ATF7IP: variants seen among roughly 807,000 people sequenced by gnomAD.
ATF7IP encodes activating transcription factor 7 interacting protein, also known as activating transcription factor 7-interacting protein 1.
A neutral mutation model predicts 106.4 loss-of-function variants in ATF7IP; 23 were observed. The ratio of observed to expected loss-of-function variants is 0.22; its 90% confidence interval spans 0.16 to 0.31. The LOEUF (loss-of-function observed/expected upper bound fraction) is 0.31. Ranked by LOEUF, ATF7IP falls within the 10% of genes least tolerant of loss-of-function variation. The pLI, the probability that ATF7IP is intolerant of heterozygous loss-of-function variation, is 1.00. For missense variants in ATF7IP, 1,334 were observed against 1,524.3 expected, an observed-to-expected ratio of 0.88 and a Z score of 2.08; for synonymous variants, 542 against 539.0, an observed-to-expected ratio of 1.01 and a Z score of -0.08.
intron 12 of ATF7IP, among the ~76,000 whole-genome samples, chr12:14,479,231 C>A (rs559837970): frequency 2.6e-5 from 4 of 152,246 alleles, no homozygotes; most frequent in African/African-American, 4.8e-5. Flanking sequence ...CTGAGTGTAA[C>A]CAAGAAGTTA....
chr12:14,408,548 T>C lies in ATF7IP; in HGVS notation c.-7-15361T>C, dbSNP rs1470526933. 2.0e-5 allele frequency: 3 copies of C among 152,164 alleles called. 1 individual carries two copies. In the South Asian group the frequency reaches 6.2e-4, roughly 31 times the overall value. The allele number at this position is 152,164 out of a possible 1,614,324, so 9.4% of individuals were successfully genotyped here. On this transcript the variant is annotated intron_variant, in intron 1 of 14. Transcript: ENST00000261168. The stretch of plus-strand genomic sequence containing the variant: ...GCTGCAGGGGGCTCCCTTTGGGGTA[T>C]GTTTTTTATTTTAAAGAGGGTTTTC...
In ATF7IP at chr12:14,501,249, T is replaced by G. The variant is rs906076830; in HGVS notation, c.*3176T>G. On this transcript the variant is annotated 3_prime_UTR_variant, in exon 15 of 15. Transcript: ENST00000261168. Reference sequence around the variant, plus strand: ...ACAAATAAGCTAGATTCTCCCAGTTTGGGAATGCAAGTTTGCTACATTTTT... The same window carrying G: ...ACAAATAAGCTAGATTCTCCCAGTTGGGGAATGCAAGTTTGCTACATTTTT... 5.3e-5 allele frequency: 8 copies of G among 152,232 alleles called. No homozygotes were observed. The East Asian group carries it at 1.2e-3, about 22-fold the overall frequency. 9.4% of individuals were successfully genotyped at this position (152,232 alleles called of 1,614,324 possible).
At chr12:14,390,609 T>C (rs780606527) in intron 1 of ATF7IP, among the ~76,000 whole-genome samples, 19 of 152,240 alleles carry the variant, frequency 1.2e-4, no homozygotes, top group Non-Finnish European at 2.4e-4. Flanking sequence ...TAACATTTTA[T>C]AAAAGATTTT....
chr12:14,374,361 C>A (rs747713168), intron 1 of ATF7IP, among the ~76,000 whole-genome samples: 2 of 150,922 alleles, frequency 1.3e-5, no homozygotes, highest in East Asian at 3.9e-4. Context: ...CAATCCTCCC[C>A]TCTTGGCCTC....
chr12:14,422,356 C>CACACAA (rs1437491452), intron 1 of ATF7IP, among the ~76,000 whole-genome samples: 1 of 136,334 alleles, frequency 7.3e-6, no homozygotes, highest in African/African-American at 2.8e-5. Flanking sequence ...CACACACACA[C>CACACAA]AACCTTTGTA....
At chr12:14,419,722 C>T (rs916878151) in intron 1 of ATF7IP, among the ~76,000 whole-genome samples, 2 of 151,652 alleles carry the variant, frequency 1.3e-5, no homozygotes, top group East Asian at 1.9e-4. Flanking sequence ...AATTAAAAAC[C>T]CTTAACATAA....
intron 10 of ATF7IP, among the ~76,000 whole-genome samples, chr12:14,472,982 G>A (rs374645115): frequency 5.3e-5 from 8 of 152,072 alleles, no homozygotes; most frequent in African/African-American, 1.7e-4. Flanking sequence ...CTTTCAATCT[G>A]TGTCTTTATA....
At position 14,425,466 on chromosome 12, in the gene ATF7IP, C is replaced by T. The variant is rs1161248424; in HGVS notation, c.1551C>T (p.Cys517=). The T allele has an allele frequency of 1.3e-6, 2 of 1,548,434 alleles. No homozygotes were observed. Among genetic ancestry groups the T allele is most frequent in the East Asian group, 2.3e-5 (1 of 43,938 alleles). ...AAGTTATATCGCAAAATGAAACGTG[C>T]TCTCCAGGTTAGCATATAACTTAAA... ...ESEVISQNET[C]SPAEVESNEK... The change falls in exon 2 of 15, where the codon TGC becomes TGT. Residue 517 remains cysteine, a synonymous_variant. Coordinates refer to ENST00000261168, the MANE Select transcript of ATF7IP (RefSeq NM_018179.5).
chr12:14,400,942 CT>C (rs1167711264), intron 1 of ATF7IP, among the ~76,000 whole-genome samples: 1 of 152,008 alleles, frequency 6.6e-6, no homozygotes, highest in African/African-American at 2.4e-5. Context: ...GCTCACGTTT[CT>C]GTATTTTTTT....
At chr12:14,450,860 A>G (rs557149950) in intron 6 of ATF7IP, among the ~76,000 whole-genome samples, 2 of 151,770 alleles carry the variant, frequency 1.3e-5, no homozygotes, top group Non-Finnish European at 2.9e-5. Flanking sequence ...GAGTGCAGTG[A>G]TGTGATCTTG....
At chr12:14,494,284 AAT>A (rs747194414) in intron 13 of ATF7IP, among the ~76,000 whole-genome samples, 2,773 of 53,498 alleles carry the variant, frequency 0.052, 81 homozygotes, top group Non-Finnish European at 0.068. Flanking sequence ...GAGCTAATAG[AAT>A]ATATATATAT....
chr12:14,490,680 G>A (rs1034564022), intron 13 of ATF7IP, among the ~76,000 whole-genome samples: 1 of 152,134 alleles, frequency 6.6e-6, no homozygotes, highest in Admixed American at 6.5e-5. Context: ...TGATCACAGG[G>A]ACTCCCCATG....
intron 1 of ATF7IP, chr12:14,420,275 G>A (rs1259865565): frequency 6.6e-6 from 1 of 152,078 alleles, no homozygotes; most frequent in East Asian, 1.9e-4. Flanking sequence ...CTATTCTTGG[G>A]TATCTCAATA....
chr12:14,492,565 C>T (rs1195485392), intron 13 of ATF7IP, among the ~76,000 whole-genome samples: 2 of 152,102 alleles, frequency 1.3e-5, no homozygotes, highest in African/African-American at 4.8e-5. Flanking sequence ...AGTCTTTTGT[C>T]CATTTGACCT....
intron 10 of ATF7IP, among the ~76,000 whole-genome samples, chr12:14,468,272 CAAAA>C (rs567695230): frequency 3.0e-5 from 2 of 65,716 alleles, no homozygotes; most frequent in Non-Finnish European, 3.3e-5. Flanking sequence ...CATCCCATCT[CAAAA>C]AAAAAAAAAA....
Position 14,424,490 on chromosome 12 carries a change from G to T in ATF7IP, c.575G>T (p.Gly192Val), listed in dbSNP as rs1375461507. 1.4e-5 allele frequency: 22 copies of T among 1,614,044 alleles called. No homozygotes were observed. The highest frequency in any genetic ancestry group is 2.2e-5 in the East Asian group (1 of 44,872). The stretch of plus-strand genomic sequence containing the variant: ...GTGTCCCCTGGTGATGCCACCTCTG[G>T]TGATGCCACTGCTGATGATCTCTCC... Reference protein sequence around the residue: ...GDVSPGDATSGDATADDLSSG... With the variant: ...GDVSPGDATSVDATADDLSSG... Residue 192 changes from glycine (G) to valine (V), a missense_variant, in exon 2 of 15, where the codon GGT becomes GTT. Transcript: ENST00000261168.
At chr12:14,473,273 G>A (rs534844269) in intron 10 of ATF7IP, among the ~76,000 whole-genome samples, 41 of 28,674 alleles carry the variant, frequency 1.4e-3, no homozygotes, top group African/African-American at 2.4e-3. Flanking sequence ...GCTTTTTAGC[G>A]CGCTCTCTCT....
chr12:14,466,314 T>A (rs551904136), intron 9 of ATF7IP: 6 of 437,214 alleles, frequency 1.4e-5, no homozygotes, highest in African/African-American at 1.2e-4. Context: ...CAGTGGAAAG[T>A]TTTTTTTAAT....
chr12:14,418,519 A>G (rs1009746368), intron 1 of ATF7IP, among the ~76,000 whole-genome samples: 7 of 152,230 alleles, frequency 4.6e-5, no homozygotes, highest in African/African-American at 1.7e-4. Context: ...CGACAGTACT[A>G]AAATGATCCT....
Sources: allele counts gnomAD v4.1 joint callset (sites outside exome capture counted in the v4.1 genomes callset), GRCh38; gene constraint gnomAD v4.1.1; transcripts MANE v1.5; gene names NCBI Gene and HGNC (gene_info 2026-07-23, HGNC 2026-07-21).